The following LSP1 variants were observed in gnomAD, a reference collection of about 807,000 sequenced individuals.
The protein encoded by LSP1 is lymphocyte-specific protein 1.
In LSP1, 32 loss-of-function variants were observed where a neutral mutation model predicts 49.3. The observed-to-expected ratio is 0.65, with a 90% CI of 0.49 to 0.87. The LOEUF (loss-of-function observed/expected upper bound fraction) is 0.87. LSP1 is among the 40% of genes least tolerant of loss of function. The probability of loss-of-function intolerance (pLI) is 0.00; values close to 1 mark genes in which losing one functional copy is unlikely to be tolerated. For synonymous variants in LSP1, 179 were observed against 178.8 expected, an observed-to-expected ratio of 1.00 and a Z score of -0.01; for missense variants, 428 against 442.6, an observed-to-expected ratio of 0.97 and a Z score of 0.30.
At chr11:1,867,024 A>ACAGGGACT in intron 1 of LSP1, 1 of 1,109,170 alleles carries the variant, frequency 9.0e-7, no homozygotes, top group Non-Finnish European at 1.2e-6. Context: ...GCTCAGGGCC[A>ACAGGGACT]GTCCCTGTGG....
In LSP1 at chr11:1,876,412, G is replaced by A. The variant is rs1186935133; in HGVS notation, c.54-3675G>A. ...CCCTGTGGTGTCCAAGGGACCTGTG[G>A]TCAGGCCTGGAGGAGAAGCTCCCCC... On this transcript the variant is annotated intron_variant, in intron 1 of 10. Coordinates refer to ENST00000311604, the MANE Select transcript of LSP1 (RefSeq NM_002339.3). The A allele has an allele frequency of 7.1e-6, 7 of 979,548 alleles. No individual in the cohort carries two copies. The South Asian group carries it at 1.9e-4, about 26-fold the overall frequency. The allele number at this position is 979,548 out of a possible 1,614,324, so 60.7% of individuals were successfully genotyped here. A position where few individuals can be genotyped will look rare whatever the true frequency, so the allele number is the denominator to read the frequency against.
chr11:1,868,989 C>G, intron 1 of LSP1: 7 of 986,292 alleles, frequency 7.1e-6, no homozygotes, highest in Non-Finnish European at 8.4e-6. Context: ...TGGCAGAGGT[C>G]GGTGGACTGG....
At chr11:1,854,088 C>T (rs984030213) in intron 1 of LSP1, among the ~76,000 whole-genome samples, 2 of 152,024 alleles carry the variant, frequency 1.3e-5, no homozygotes, top group Admixed American at 6.5e-5. Flanking sequence ...GGGCTCAGGG[C>T]GTGCGGTGCA....
intron 1 of LSP1, 65 bp from the exon 2 acceptor site, chr11:1,880,022 G>T: frequency 1.3e-6 from 2 of 1,589,504 alleles, no homozygotes; most frequent in Non-Finnish European, 1.7e-6. Context: ...GTAGATGGGA[G>T]GAATGGGTGC....
At position 1,856,991 on chromosome 11, in the gene LSP1, C is replaced by T. The variant is rs540224042; in HGVS notation, c.53+3794C>T. Reference sequence around the variant, plus strand: ...ATTGAGGGCTAAGCCCTGGGGCTCCCTCCCTACACCTTCCTGTGGTCAAGA... The same window carrying T: ...ATTGAGGGCTAAGCCCTGGGGCTCCTTCCCTACACCTTCCTGTGGTCAAGA... On this transcript the variant is annotated intron_variant, in intron 1 of 10. Transcript: ENST00000311604. 3.4e-4 allele frequency among the ~76,000 whole-genome samples: 52 copies of T among 152,348 alleles called. No homozygotes were observed. In the South Asian group the frequency reaches 0.01, roughly 30 times the overall value.
chr11:1,876,761 C>A, intron 1 of LSP1: 1 of 540,552 alleles, frequency 1.8e-6, no homozygotes, highest in Non-Finnish European at 2.4e-6. Flanking sequence ...GCCAGCGTCC[C>A]GAGTCGGGGG....
intron 1 of LSP1, among the ~76,000 whole-genome samples, chr11:1,854,254 G>A (rs548868766): frequency 6.6e-6 from 1 of 152,154 alleles, no homozygotes; most frequent in Non-Finnish European, 1.5e-5. Context: ...GTTGCAGAAA[G>A]AGTGTGATGC....
rs185906404 is a variant in LSP1 at position 1,876,102 on chromosome 11, C to T, written c.54-3985C>T. The stretch of plus-strand genomic sequence containing the variant: ...CCCAGATAGGCCCCGACACACACTC[C>T]GAAGCTGTATCATGAACGCTGTGGT... On this transcript the variant is annotated intron_variant, in intron 1 of 10. Transcript: ENST00000311604. Among the ~76,000 whole-genome samples, 42 of 152,340 alleles carry T rather than the reference C, an allele frequency of 2.8e-4. No homozygotes were observed. In the East Asian group the frequency reaches 4.0e-3, roughly 15 times the overall value.
rs1565079172 is a variant in LSP1 at position 1,873,871 on chromosome 11, GAGGGAGGCTGGCAGAGC to G, written c.54-6209_54-6193del. ...CGGCAGAGGAGGGAGGCTGGCAGAGGAGGGAGGCTGGCAGAGCAGGGAGCCCGGCAGAGGAGGGAGGC... is the reference window on the plus strand; with the variant it reads ...CGGCAGAGGAGGGAGGCTGGCAGAGGAGGGAGCCCGGCAGAGGAGGGAGGC... On this transcript the variant is annotated intron_variant, in intron 1 of 10. Coordinates refer to ENST00000311604, the MANE Select transcript of LSP1 (RefSeq NM_002339.3). Among the ~76,000 whole-genome samples the G allele has an allele frequency of 2.9e-4, 35 of 121,686 alleles. 1 individual carries two copies. Among genetic ancestry groups the G allele is most frequent in the African/African-American group, 8.1e-4 (26 of 32,004 alleles). The allele number at this position is 121,686 out of a possible 152,430, so 79.8% of individuals were successfully genotyped here. A position where few individuals can be genotyped will look rare whatever the true frequency, so the allele number is the denominator to read the frequency against.
chr11:1,867,018 A>G (rs897477717), intron 1 of LSP1: 4 of 1,137,582 alleles, frequency 3.5e-6, no homozygotes, highest in East Asian at 2.6e-5. Flanking sequence ...GCCCAGGCTC[A>G]GGGCCAGTCC....
rs766827824 is a variant in LSP1 at position 1,887,477 on chromosome 11, A to G, written c.934A>G (p.Thr312Ala). 6.2e-7 allele frequency: 1 copy of G among 1,613,318 alleles called. No individual in the cohort carries two copies. Among genetic ancestry groups the G allele is most frequent in the East Asian group, 2.2e-5 (1 of 44,824 alleles). ...GSKTSSTIKS[T>A]PSGKRYKFVA... is the part of the protein sequence containing the mutation. ...TCTTGGTCTCCTTTCCCAACAGAGC[A>G]CCCCATCTGGGAAGAGGTATAAGTT... Residue 312 changes from threonine (T) to alanine (A), a missense_variant, in exon 10 of 11, where the codon ACC (threonine) becomes GCC (alanine). Transcript: ENST00000311604.
Position 1,880,240 on chromosome 11 carries a change from A to G in LSP1, c.191+16A>G, listed in dbSNP as rs1848481940. 6.4e-7 allele frequency: 1 copy of G among 1,568,006 alleles called. No individual in the cohort carries two copies. The highest frequency in any genetic ancestry group is 8.7e-7 in the Non-Finnish European group (1 of 1,154,340). ...AGGAGATGCTGTGAGCAGCCCCATA[A>G]CGCGTGCCTGGGCTCTAGCCCCTAT... On this transcript the variant is annotated intron_variant, in intron 2 of 10. Coordinates refer to ENST00000311604, the MANE Select transcript of LSP1 (RefSeq NM_002339.3).
intron 1 of LSP1, chr11:1,868,743 A>T (rs1489478636): frequency 1.0e-6 from 1 of 985,774 alleles, no homozygotes; most frequent in Non-Finnish European, 1.2e-6. Flanking sequence ...GCAGGGGTGC[A>T]GGGACCGAGT....
chr11:1,882,543 G>A (rs1047941101), intron 3 of LSP1, among the ~76,000 whole-genome samples: 1 of 152,014 alleles, frequency 6.6e-6, no homozygotes, highest in Non-Finnish European at 1.5e-5. Flanking sequence ...GGGAGTCAGC[G>A]GCTCTGCTTT....
chr11:1,866,746 C>T (rs1385778938), intron 1 of LSP1: 24 of 1,550,424 alleles, frequency 1.5e-5, no homozygotes, highest in Admixed American at 3.9e-5. Flanking sequence ...GGGTCAATCC[C>T]CCAGGCTCAC....
chr11:1,889,534 C>T (rs1381248165), intron 10 of LSP1: 3 of 613,188 alleles, frequency 4.9e-6, no homozygotes, highest in African/African-American at 1.9e-5. Context: ...TCTGGGGCCT[C>T]CTCCAGCAGC....
chr11:1,876,955 C>A (rs1023582759), intron 1 of LSP1, among the ~76,000 whole-genome samples: 1 of 152,188 alleles, frequency 6.6e-6, no homozygotes, highest in Non-Finnish European at 1.5e-5. Context: ...GGAGCCCCCC[C>A]ACCGCCTGGC....
At chr11:1,861,916 T>C (rs2133062339) in intron 1 of LSP1, among the ~76,000 whole-genome samples, 1 of 151,430 alleles carries the variant, frequency 6.6e-6, no homozygotes, top group East Asian at 2.0e-4. Flanking sequence ...GATGGATGGA[T>C]GGATGGATGG....
At chr11:1,873,500 T>TGGAA (rs1554974095) in intron 1 of LSP1, among the ~76,000 whole-genome samples, 1 of 94,790 alleles carries the variant, frequency 1.1e-5, no homozygotes, top group Non-Finnish European at 2.0e-5. Flanking sequence ...TAAGGAAAGA[T>TGGAA]GGAGGGAGGG....
Sources: allele counts gnomAD v4.1 joint callset (sites outside exome capture counted in the v4.1 genomes callset), GRCh38; gene constraint gnomAD v4.1.1; transcripts MANE v1.5; gene names NCBI Gene and HGNC (gene_info 2026-07-23, HGNC 2026-07-21).